The following AIM2 variants were observed in gnomAD, a reference collection of about 807,000 sequenced individuals.
AIM2 encodes interferon-inducible protein AIM2.
Under a neutral mutation model 27.7 loss-of-function variants are expected in AIM2, and 30 were observed. The ratio of observed to expected loss-of-function variants is 1.08; its 90% CI spans 0.81 to 1.47. The LOEUF (loss-of-function observed/expected upper bound fraction) is 1.47. Among genes scored for constraint, AIM2 ranks in the 40% most tolerant of loss-of-function variants. The pLI is 0.00. For missense variants in AIM2, 358 were observed against 411.3 expected, an observed-to-expected ratio of 0.87 and a Z score of 1.12; for synonymous variants, 141 against 145.3, an observed-to-expected ratio of 0.97 and a Z score of 0.21.
At chr1:159,063,294 T>C (rs1655919964) in intron 5 of AIM2, among the ~76,000 whole-genome samples, 192 bp downstream of exon 5, 1 of 152,198 alleles carries the variant, frequency 6.6e-6, no homozygotes, top group African/African-American at 2.4e-5. Context: ...GAAAAGCCCA[T>C]GTTCTCTTAA....
the AIM2 span, among the ~76,000 whole-genome samples, chr1:159,056,313 C>A: frequency 6.6e-6 from 1 of 152,146 alleles, no homozygotes; most frequent in African/African-American, 2.4e-5. Context: ...GGCTTCACCC[C>A]AGTGCACACT....
At chr1:159,089,119 T>C (rs925981017) in intron 1 of AIM2, among the ~76,000 whole-genome samples, 2 of 152,246 alleles carry the variant, frequency 1.3e-5, no homozygotes, top group Non-Finnish European at 2.9e-5. Context: ...CTGTCATTTG[T>C]ATGAGATGGA....
intron 1 of AIM2, among the ~76,000 whole-genome samples, chr1:159,120,393 C>T (rs954385994): frequency 1.4e-4 from 21 of 152,242 alleles, no homozygotes; most frequent in African/African-American, 3.4e-4. Context: ...GAAGACAAGA[C>T]GTGCAATTTT....
At chr1:159,067,723 G>T (rs1280955734) in intron 3 of AIM2, among the ~76,000 whole-genome samples, 2 of 152,158 alleles carry the variant, frequency 1.3e-5, no homozygotes, top group African/African-American at 4.8e-5. Flanking sequence ...CAAACCCAGA[G>T]GAAATGGTTC....
At chr1:159,070,344 G>A (rs1316561968) in intron 2 of AIM2, among the ~76,000 whole-genome samples, 1 of 152,200 alleles carries the variant, frequency 6.6e-6, no homozygotes, top group Non-Finnish European at 1.5e-5. Context: ...CTGAATGGAT[G>A]AAGAAATGGA....
intron 1 of AIM2, among the ~76,000 whole-genome samples, chr1:159,134,365 A>T (rs1647974707): frequency 6.6e-6 from 1 of 152,168 alleles, no homozygotes; most frequent in South Asian, 2.1e-4. Context: ...CAAAATGCAA[A>T]TCCAATCATG....
chr1:159,075,534 TACAC>T (rs55988373), intron 1 of AIM2, among the ~76,000 whole-genome samples: 3,314 of 129,308 alleles, frequency 0.026, 44 homozygotes, highest in South Asian at 0.041. Context: ...ATACCTGCAA[TACAC>T]ACACACACAC....
At chr1:159,124,694 A>T (rs1188681272) in intron 1 of AIM2, among the ~76,000 whole-genome samples, 1 of 152,182 alleles carries the variant, frequency 6.6e-6, no homozygotes, top group Non-Finnish European at 1.5e-5. Flanking sequence ...ATTTTTGTTT[A>T]CAGAGAACAA....
At chr1:159,143,633 G>T (rs912946225), upstream of AIM2, among the ~76,000 whole-genome samples, 7 of 132,748 alleles carry the variant, frequency 5.3e-5, no homozygotes, top group African/African-American at 1.9e-4. Flanking sequence ...CACACACACT[G>T]CTCTTCATAA....
intron 1 of AIM2, among the ~76,000 whole-genome samples, chr1:159,115,561 C>A (rs2102033775): frequency 6.6e-6 from 1 of 152,242 alleles, no homozygotes; most frequent in South Asian, 2.1e-4. Context: ...TTTGACAAAC[C>A]TGACAAAAAC....
intron 1 of AIM2, among the ~76,000 whole-genome samples, chr1:159,110,380 A>G (rs1057062453): frequency 4.6e-5 from 7 of 152,142 alleles, no homozygotes; most frequent in Non-Finnish European, 1.0e-4. Flanking sequence ...GCTATCACCA[A>G]ACTTTTGGGT....
chr1:159,063,451 C>T lies in AIM2; in HGVS notation c.1005+35G>A. The T allele has an allele frequency of 2.5e-6, 4 of 1,583,320 alleles. 1 individual carries two copies. In the Middle Eastern group the frequency reaches 5.1e-4, roughly 201 times the overall value. ...GATAGAAAACAAAAAATATCACCCC[C>T]TTGGAGAGTTGACTTTGTTCCATGC... On this transcript the variant is annotated intron_variant, in intron 5 of 5. Transcript: ENST00000368130.
chr1:159,129,360 G>C (rs1034338426), intron 1 of AIM2, among the ~76,000 whole-genome samples: 2 of 152,172 alleles, frequency 1.3e-5, no homozygotes, highest in African/African-American at 4.8e-5. Flanking sequence ...GGCATCTCTA[G>C]AAAATTCATG....
At chr1:159,080,390 C>T (rs1458152071), upstream of AIM2, among the ~76,000 whole-genome samples, 1 of 152,172 alleles carries the variant, frequency 6.6e-6, no homozygotes, top group Non-Finnish European at 1.5e-5. Flanking sequence ...ACTTTCATAT[C>T]TTGTCCATAG....
intron 4 of AIM2, among the ~76,000 whole-genome samples, chr1:159,065,212 G>A (rs1178305997): frequency 6.6e-6 from 1 of 152,092 alleles, no homozygotes; most frequent in African/African-American, 2.4e-5. Flanking sequence ...AGTTCCCTGA[G>A]GCTCAGAATC....
intron 1 of AIM2, among the ~76,000 whole-genome samples, chr1:159,105,129 C>T (rs1177944853): frequency 3.3e-5 from 5 of 152,170 alleles, no homozygotes; most frequent in Non-Finnish European, 7.4e-5. Context: ...GGTGTGTGAG[C>T]GAGCAAGTGT....
At chr1:159,113,374 T>C (rs991623508) in intron 1 of AIM2, among the ~76,000 whole-genome samples, 2 of 152,214 alleles carry the variant, frequency 1.3e-5, no homozygotes, top group Non-Finnish European at 2.9e-5. Context: ...TATAAATTTG[T>C]CAATTAAGAT....
intron 1 of AIM2, among the ~76,000 whole-genome samples, chr1:159,123,927 C>T (rs1570978464): frequency 2.0e-5 from 3 of 152,316 alleles, no homozygotes; most frequent in Admixed American, 2.0e-4. Flanking sequence ...CACAGCAGGG[C>T]TGGGGTATAT....
rs757503647 is a variant in AIM2 at position 159,066,216 on chromosome 1, T to C, written c.510A>G (p.Gln170=). The C allele has an allele frequency of 1.9e-6, 3 of 1,614,202 alleles. No homozygotes were observed. The highest frequency in any genetic ancestry group is 1.1e-5 in the South Asian group (1 of 91,088). The part of the protein sequence containing the change: ...KAKKPFTFET[Q]EGKQEMFHAT... ...CATGAAACATCTCCTGCTTGCCTTC[T>C]TGGGTCTCAAACGTGAAGGGCTTCT... Residue 170 remains glutamine (Q), a synonymous_variant, in exon 4 of 6, where the codon CAA becomes CAG. Coordinates refer to ENST00000368130, the MANE Select transcript of AIM2 (RefSeq NM_004833.3).
Sources: gnomAD v4.1 joint callset for allele counts (sites outside exome capture counted in the v4.1 genomes callset) on GRCh38, gnomAD v4.1.1 for gene constraint, MANE v1.5 for transcripts, NCBI Gene and HGNC (gene_info 2026-07-23, HGNC 2026-07-21) for gene names.